The following CYFIP1 variants were observed in gnomAD, a reference collection of about 807,000 sequenced individuals.
The protein encoded by CYFIP1 is cytoplasmic FMR1-interacting protein 1.
In CYFIP1, 58 loss-of-function variants were observed where a neutral mutation model predicts 163.5. That is an observed-to-expected ratio of 0.35 (90% CI 0.29 to 0.44). CYFIP1 has a LOEUF of 0.44. CYFIP1 is among the 20% of genes least tolerant of loss of function. The pLI is 1.00. For synonymous variants in CYFIP1, 663 were observed against 660.7 expected, an observed-to-expected ratio of 1.00 and a Z score of -0.05; for missense variants, 1,338 against 1,653.8, an observed-to-expected ratio of 0.81 and a Z score of 3.31.
rs2059479912 is a variant in CYFIP1 at position 22,872,989 on chromosome 15, G to A, written c.3450-17C>T. 1.9e-6 allele frequency: 3 copies of A among 1,612,534 alleles called. No individual in the cohort carries two copies. ...AAGCACTGCCTAGGAACAAGAAGCA[G>A]AAACAGAATGGGAGATGAGTGATAC... On this transcript the variant is annotated splice_polypyrimidine_tract_variant and intron_variant, in intron 29 of 30. Coordinates refer to ENST00000617928, the MANE Select transcript of CYFIP1 (RefSeq NM_014608.6).
intron 22 of CYFIP1, among the ~76,000 whole-genome samples, chr15:22,898,585 C>T (rs756315967): frequency 2.0e-5 from 3 of 152,058 alleles, no homozygotes; most frequent in Non-Finnish European, 4.4e-5. Context: ...CTCAGGCGGG[C>T]GTGCAGCGGC....
At chr15:22,882,206 T>C (rs141513994) in intron 24 of CYFIP1, among the ~76,000 whole-genome samples, 2 of 152,322 alleles carry the variant, frequency 1.3e-5, no homozygotes, top group East Asian at 3.9e-4. Context: ...GAGAGCTTTG[T>C]CGCCAGGTGT....
At position 22,868,793 on chromosome 15, in the gene CYFIP1, A is replaced by AAT. The variant is rs2059331416; in HGVS notation, c.*1233_*1234dup. 6.6e-6 allele frequency: 1 copy of AAT among 152,114 alleles called. No homozygotes were observed. The allele number at this position is 152,114 out of a possible 1,614,324, so 9.4% of individuals were successfully genotyped here. The stretch of plus-strand genomic sequence containing the variant: ...ACTTGGCATCCATAGAAAATTTTAA[A>AAT]ATTGGTGAAGGTTGCAATACTCCAA... On this transcript the variant is annotated 3_prime_UTR_variant, in exon 31 of 31. Transcript: ENST00000617928.
At position 22,869,150 on chromosome 15, in the gene CYFIP1, G is replaced by A. The variant is rs920531948; in HGVS notation, c.*878C>T. On this transcript the variant is annotated 3_prime_UTR_variant, in exon 31 of 31. Coordinates refer to ENST00000617928, the MANE Select transcript of CYFIP1 (RefSeq NM_014608.6). Reference sequence around the variant, plus strand: ...CGGTCCCTTTGTGCAGCACCCACTGGGCCTGACTGATCTCCTCCCACATTG... The same window carrying A: ...CGGTCCCTTTGTGCAGCACCCACTGAGCCTGACTGATCTCCTCCCACATTG... 2 of 152,234 alleles carry A rather than the reference G, an allele frequency of 1.3e-5. No individual in the cohort carries two copies. Among genetic ancestry groups the A allele is most frequent in the Admixed American group, 6.6e-5 (1 of 15,252 alleles). The allele number at this position is 152,234 out of a possible 1,614,324, so 9.4% of individuals were successfully genotyped here. A position where few individuals can be genotyped will look rare whatever the true frequency, so the allele number is the denominator to read the frequency against.
At position 22,874,442 on chromosome 15, in the gene CYFIP1, G is replaced by A. The variant is rs375234025; in HGVS notation, c.3210+108C>T. On this transcript the variant is annotated intron_variant, in intron 28 of 30. Coordinates refer to ENST00000617928, the MANE Select transcript of CYFIP1 (RefSeq NM_014608.6). ...CAACACTTGAGGCCTGAGCAGCCAC[G>A]CAGCCGCTGGACTTCACGATGCCTT... 23 of 732,712 alleles carry A rather than the reference G, an allele frequency of 3.1e-5. 1 individual carries two copies. In the South Asian group the frequency reaches 3.5e-4, roughly 11 times the overall value. 45.4% of individuals were successfully genotyped at this position (732,712 alleles called of 1,614,324 possible).
chr15:22,889,473 C>G (rs995888997), intron 23 of CYFIP1, among the ~76,000 whole-genome samples: 1 of 152,214 alleles, frequency 6.6e-6, no homozygotes, highest in Non-Finnish European at 1.5e-5. Flanking sequence ...GTGTCAAGAG[C>G]CTTTAACACC....
At chr15:22,888,530 G>A (rs2059984519) in intron 23 of CYFIP1, among the ~76,000 whole-genome samples, 1 of 151,858 alleles carries the variant, frequency 6.6e-6, no homozygotes, top group African/African-American at 2.4e-5. Flanking sequence ...TCAGGAGTTC[G>A]CGACCAGCCT....
intron 22 of CYFIP1, among the ~76,000 whole-genome samples, chr15:22,895,900 G>A (rs777584363): frequency 1.3e-5 from 2 of 152,206 alleles, no homozygotes; most frequent in Non-Finnish European, 2.9e-5. Context: ...CGTCCCTGAG[G>A]ACAGGGAAAG....
Position 22,916,622 on chromosome 15 carries a change from C to T in CYFIP1, c.1683G>A (p.Met561Ile), listed in dbSNP as rs764330238. The T allele has an allele frequency of 1.2e-6, 2 of 1,614,058 alleles. No homozygotes were observed. The highest frequency in any genetic ancestry group is 1.7e-6 in the Non-Finnish European group (2 of 1,180,002). The change falls in exon 16 of 31, where the codon ATG becomes ATA. Residue 561 changes from methionine to isoleucine, a missense_variant. Met to Ile is a conservative substitution (Grantham distance 10). Coordinates refer to ENST00000617928, the MANE Select transcript of CYFIP1 (RefSeq NM_014608.6). ...AVGPSSTQLY[M>I]VRTMLESLIA... is the part of the protein sequence containing the mutation. ...TGAGGGACTCTAGCATGGTTCTCAC[C>T]ATGTAAAGCTGGATTATCCAAGGAA...
At chr15:22,964,626 T>A (rs906103002) in intron 1 of CYFIP1, among the ~76,000 whole-genome samples, 4 of 152,254 alleles carry the variant, frequency 2.6e-5, no homozygotes, top group Admixed American at 1.3e-4. Context: ...ATGTTCCCTC[T>A]GGGAAAAAGG....
At chr15:22,944,373 G>A (rs572194727) in intron 5 of CYFIP1, among the ~76,000 whole-genome samples, 185 bp downstream of exon 5, 53 of 152,214 alleles carry the variant, frequency 3.5e-4, no homozygotes, top group Middle Eastern at 3.4e-3. Context: ...CAAAAGGAGC[G>A]TTGATTCCGA....
At chr15:22,911,606 A>G (rs773289668) in intron 18 of CYFIP1, among the ~76,000 whole-genome samples, 5 of 152,204 alleles carry the variant, frequency 3.3e-5, no homozygotes, top group African/African-American at 4.8e-5. Flanking sequence ...AGTGGGACCC[A>G]GGACCCATCT....
chr15:22,917,812 G>A lies in CYFIP1; in HGVS notation c.1650C>T (p.Arg550=), dbSNP rs559730613. The A allele has an allele frequency of 3.3e-5, 54 of 1,612,376 alleles. 1 individual carries two copies. The highest frequency in any genetic ancestry group is 2.2e-4 in the Admixed American group (13 of 59,792). ...CCTGAGTGCTGGAGGGTCCCACGGC[G>A]CGGCGTGGTACTTTTATGTCGAAGC... is the stretch of plus-strand genomic sequence containing the variant. ...KSGFDIKVPR[R]AVGPSSTQLY... is the part of the protein sequence containing the mutation. Residue 550 remains arginine (R), a synonymous_variant, in exon 15 of 31, where the codon CGC becomes CGT. Transcript: ENST00000617928. This position sits in a 1 kb window ranked among gnomAD's most constrained non-coding sequence, Gnocchi z 4.2.
At chr15:22,913,199 TG>T (rs199770403) in intron 17 of CYFIP1, among the ~76,000 whole-genome samples, 55 of 135,236 alleles carry the variant, frequency 4.1e-4, no homozygotes, top group Middle Eastern at 4.9e-3. Context: ...TTGTCTCTGT[TG>T]GGGGGAAAAA....
rs1361609885 is a variant in CYFIP1 at position 22,868,262 on chromosome 15, ATC to A, written c.*1764_*1765del. 6.6e-6 allele frequency: 1 copy of A among 152,046 alleles called. No individual in the cohort carries two copies. Among genetic ancestry groups the A allele is most frequent in the African/African-American group, 2.4e-5 (1 of 41,266 alleles). The allele number at this position is 152,046 out of a possible 1,614,324, so 9.4% of individuals were successfully genotyped here. A position where few individuals can be genotyped will look rare whatever the true frequency, so the allele number is the denominator to read the frequency against. ...TTTTAATACTACAGATGTACTACGTATCTGTTTATATACTGTACCTACATCTG... is the reference window on the plus strand; with the variant it reads ...TTTTAATACTACAGATGTACTACGTATGTTTATATACTGTACCTACATCTG... On this transcript the variant is annotated 3_prime_UTR_variant, in exon 31 of 31. Coordinates refer to ENST00000617928, the MANE Select transcript of CYFIP1 (RefSeq NM_014608.6).
At chr15:22,961,841 T>C (rs2062692870) in intron 1 of CYFIP1, among the ~76,000 whole-genome samples, 1 of 152,228 alleles carries the variant, frequency 6.6e-6, no homozygotes, top group African/African-American at 2.4e-5. Flanking sequence ...ACAAAACTTT[T>C]TCCAGGTCAA....
At chr15:22,951,408 A>C in intron 1 of CYFIP1, 1 of 1,289,074 alleles carries the variant, frequency 7.8e-7, no homozygotes, top group Non-Finnish European at 1.0e-6. Flanking sequence ...GTCCAGCCCC[A>C]GCGCTGCCTG....
intron 20 of CYFIP1, among the ~76,000 whole-genome samples, chr15:22,909,616 T>A (rs940143225): frequency 6.6e-6 from 1 of 152,216 alleles, no homozygotes; most frequent in Non-Finnish European, 1.5e-5. Context: ...AAAATGTGCA[T>A]GATGATTATT....
chr15:22,917,367 G>A lies in CYFIP1; in HGVS notation c.1674+421C>T. On this transcript the variant is annotated intron_variant, in intron 15 of 30. Coordinates refer to ENST00000617928, the MANE Select transcript of CYFIP1 (RefSeq NM_014608.6). This position sits in a 1 kb window ranked among gnomAD's most constrained non-coding sequence, Gnocchi z 4.2. ...GAGGCCTGAACACACCAGGAGAGAG[G>A]ACAGTGGGCAGCTTAGGACCATGAC... 4.4e-6 allele frequency: 5 copies of A among 1,142,316 alleles called. No homozygotes were observed. The highest frequency in any genetic ancestry group is 3.9e-5 in the Admixed American group (1 of 25,376). The allele number at this position is 1,142,316 out of a possible 1,614,324, so 70.8% of individuals were successfully genotyped here. A position where few individuals can be genotyped will look rare whatever the true frequency, so the allele number is the denominator to read the frequency against.
Sources: allele counts gnomAD v4.1 joint callset (sites outside exome capture counted in the v4.1 genomes callset), GRCh38; gene constraint gnomAD v4.1.1; non-coding constraint Gnocchi (gnomAD v3.1); transcripts MANE v1.5; gene names NCBI Gene and HGNC (gene_info 2026-07-23, HGNC 2026-07-21).